The following CD96 variants were observed in gnomAD, a reference collection of about 807,000 sequenced individuals.
The protein encoded by CD96 is CD96 molecule, also known as T-cell surface protein tactile.
Under a neutral mutation model 71.3 loss-of-function variants are expected in CD96, and 70 were observed. The ratio of observed to expected loss-of-function variants is 0.98; its 90% CI spans 0.81 to 1.20. The LOEUF is 1.20. Ranked by LOEUF, CD96 falls within the 50% of genes most tolerant of loss-of-function variation. CD96 has a pLI of 0.00. For synonymous variants in CD96, 248 were observed against 233.0 expected, an observed-to-expected ratio of 1.06 and a Z score of -0.59; for missense variants, 742 against 677.5, an observed-to-expected ratio of 1.10 and a Z score of -1.06.
chr3:111,543,511 T>C (rs997286205), intron 1 of CD96, among the ~76,000 whole-genome samples: 7 of 152,048 alleles, frequency 4.6e-5, no homozygotes, highest in African/African-American at 1.5e-4. Flanking sequence ...CTTACTCTAA[T>C]CAACTAGACT....
intron 5 of CD96, 149 bp downstream of exon 5, chr3:111,585,527 T>C: frequency 4.7e-6 from 3 of 642,902 alleles, no homozygotes. Flanking sequence ...AGCTGGGTTG[T>C]TTCTAGAAAG....
At chr3:111,656,651 C>T (rs951148674), downstream of CD96, among the ~76,000 whole-genome samples, 1 of 151,506 alleles carries the variant, frequency 6.6e-6, no homozygotes, top group South Asian at 2.1e-4. Flanking sequence ...AGTAAATACA[C>T]AAAATAGAGT....
intron 2 of CD96, among the ~76,000 whole-genome samples, chr3:111,555,759 T>C (rs1384959140): frequency 1.3e-5 from 2 of 152,296 alleles, no homozygotes; most frequent in South Asian, 2.1e-4. Flanking sequence ...TCAGGTTTTG[T>C]TAAAGTTCTT....
In CD96 at chr3:111,650,110, A is replaced by C; in HGVS notation, c.*304A>C. 2.7e-6 allele frequency: 1 copy of C among 367,834 alleles called. No homozygotes were observed. Among genetic ancestry groups the C allele is most frequent in the South Asian group, 2.4e-5 (1 of 41,632 alleles). The allele number at this position is 367,834 out of a possible 1,614,324, so 22.8% of individuals were successfully genotyped here. ...AAAAAAAATACAGTATTTTCATTTA[A>C]ATTCTCTGATGGAGGGACAACAATG... On this transcript the variant is annotated 3_prime_UTR_variant, in exon 14 of 14. Transcript: ENST00000352690.
chr3:111,545,380 CA>C lies in CD96; in HGVS notation c.398del (p.Asn133ThrfsTer19), dbSNP rs1406444156. ...CAGAGGGCATTCAGACTAAAATCTA[CA>C]ACCTTCTCATTCAGACACACGGTAA... The part of the protein sequence containing the change: ...YPEGIQTKIY[N>X]LLIQTHVTAD... On this transcript the variant is annotated frameshift_variant, in exon 2 of 14. Coordinates refer to ENST00000352690, the MANE Select transcript of CD96 (RefSeq NM_005816.5). LOFTEE classifies it high-confidence loss of function. The C allele has an allele frequency of 1.2e-5, 19 of 1,604,994 alleles. 1 individual carries two copies. The Admixed American group carries it at 3.2e-4, about 27-fold the overall frequency.
chr3:111,615,055 A>G (rs1483677446), intron 8 of CD96, among the ~76,000 whole-genome samples: 2 of 152,230 alleles, frequency 1.3e-5, no homozygotes, highest in Non-Finnish European at 1.5e-5. Context: ...GGTGGGCTAG[A>G]ACCCTGCTTT....
intron 3 of CD96, among the ~76,000 whole-genome samples, chr3:111,572,297 C>T (rs1368144003): frequency 2.0e-5 from 3 of 152,304 alleles, no homozygotes; most frequent in East Asian, 1.9e-4. Context: ...CTGTGATCAG[C>T]GGTGAGTGTA....
intron 2 of CD96, among the ~76,000 whole-genome samples, chr3:111,550,153 A>G (rs368731927): frequency 1.3e-5 from 2 of 152,350 alleles, no homozygotes; most frequent in African/African-American, 4.8e-5. Context: ...TAAAAGGAAT[A>G]GCCATCAATT....
chr3:111,635,383 G>T (rs1309735181), intron 10 of CD96, among the ~76,000 whole-genome samples: 2 of 152,130 alleles, frequency 1.3e-5, no homozygotes, highest in East Asian at 3.8e-4. Context: ...TTCCAAAGTG[G>T]CTTATGTTTT....
At chr3:111,599,626 C>G (rs914694881) in intron 6 of CD96, among the ~76,000 whole-genome samples, 2 of 151,834 alleles carry the variant, frequency 1.3e-5, no homozygotes, top group Non-Finnish European at 2.9e-5. Context: ...GAGGCTGAGG[C>G]AGGAGAATCG....
At chr3:111,568,330 T>C (rs912648696) in intron 3 of CD96, among the ~76,000 whole-genome samples, 1 of 152,140 alleles carries the variant, frequency 6.6e-6, no homozygotes, top group Non-Finnish European at 1.5e-5. Context: ...TGGTCTATTA[T>C]TTTGATGTTA....
intron 6 of CD96, among the ~76,000 whole-genome samples, chr3:111,599,136 T>A (rs1203640377): frequency 1.3e-5 from 2 of 151,912 alleles, no homozygotes; most frequent in East Asian, 3.9e-4. Context: ...GCCCGGCTAA[T>A]TTTTTGTATT....
In CD96 at chr3:111,585,642, C is replaced by T. The variant is rs146580873; in HGVS notation, c.807+264C>T. Reference sequence around the variant, plus strand: ...AAAAAATAGTCACAATTTGTTTAAACTTCTCTTTTATAAAAATTCAGGTGG... The same window carrying T: ...AAAAAATAGTCACAATTTGTTTAAATTTCTCTTTTATAAAAATTCAGGTGG... On this transcript the variant is annotated intron_variant, in intron 5 of 13. Coordinates refer to ENST00000352690, the MANE Select transcript of CD96 (RefSeq NM_005816.5). Among the ~76,000 whole-genome samples the T allele has an allele frequency of 2.1e-3, 316 of 152,246 alleles. 1 individual carries two copies. The highest frequency in any genetic ancestry group is 0.014 in the Middle Eastern group (4 of 294).
At chr3:111,593,957 C>A (rs1244869551) in intron 5 of CD96, 2 of 1,614,056 alleles carry the variant, frequency 1.2e-6, no homozygotes, top group Admixed American at 1.7e-5. Context: ...CACCTGCCTG[C>A]CACACAGGCG....
intron 5 of CD96, among the ~76,000 whole-genome samples, chr3:111,587,510 C>T (rs1936771079): frequency 6.6e-6 from 1 of 152,164 alleles, no homozygotes; most frequent in African/African-American, 2.4e-5. Flanking sequence ...TGCAAGCTGT[C>T]ACGGATCTAC....
At chr3:111,637,343 A>G in intron 11 of CD96, 82 bp downstream of exon 11, 1 of 803,816 alleles carries the variant, frequency 1.2e-6, no homozygotes, top group Admixed American at 1.7e-5. Context: ...AAGAACTGAT[A>G]AGAAGCCAGC....
At chr3:111,627,195 C>T (rs1938813067) in intron 10 of CD96, among the ~76,000 whole-genome samples, 1 of 152,196 alleles carries the variant, frequency 6.6e-6, no homozygotes, top group African/African-American at 2.4e-5. Flanking sequence ...CCTCCAGCCA[C>T]CCCACCAGCT....
At chr3:111,644,217 G>A (rs1939723762) in intron 12 of CD96, among the ~76,000 whole-genome samples, 1 of 152,106 alleles carries the variant, frequency 6.6e-6, no homozygotes, top group South Asian at 2.1e-4. Flanking sequence ...CATAAAGTGG[G>A]GAAAGGACAC....
At chr3:111,631,187 G>T (rs1320701657) in intron 10 of CD96, among the ~76,000 whole-genome samples, 2 of 152,088 alleles carry the variant, frequency 1.3e-5, no homozygotes, top group African/African-American at 4.8e-5. Context: ...ATTTAAATAG[G>T]AAATAAAGGA....
Sources: gnomAD v4.1 joint callset for allele counts (sites outside exome capture counted in the v4.1 genomes callset) on GRCh38, gnomAD v4.1.1 for gene constraint, MANE v1.5 for transcripts, NCBI Gene and HGNC (gene_info 2026-07-23, HGNC 2026-07-21) for gene names.